Variants in DMD observed in about 807,000 individuals in gnomAD.
The protein encoded by DMD is dystrophin.
DMD carries 63 observed loss-of-function variants against 330.1 expected under a neutral mutation model. The observed-to-expected ratio is 0.19, with a 90% CI of 0.16 to 0.24. DMD has a LOEUF of 0.24. DMD is among the 10% of genes least tolerant of loss of function. The pLI is 1.00. For synonymous variants in DMD, 1,223 were observed against 959.8 expected (o/e 1.27, Z -5.07); for missense variants, 3,344 against 2,684.1 (o/e 1.25, Z -5.43).
chrX:32,242,827 T>C (rs922768579), intron 43 of DMD, among the ~76,000 whole-genome samples: 1 of 109,963 alleles, frequency 9.1e-6, no homozygotes, highest in African/African-American at 3.3e-5. Context: ...GAAATGAGGA[T>C]AGAATTGGGA....
chrX:32,774,815 A>T (rs1010533181), intron 7 of DMD, among the ~76,000 whole-genome samples: 1 of 110,299 alleles, frequency 9.1e-6, no homozygotes, highest in Admixed American at 9.7e-5. Context: ...ATGTCATCAC[A>T]TTTCAAAACA....
intron 44 of DMD, among the ~76,000 whole-genome samples, chrX:32,000,628 T>C (rs1007227905): frequency 9.8e-5 from 11 of 111,759 alleles, no homozygotes; most frequent in Admixed American, 1.9e-4. Flanking sequence ...ATAACACCAG[T>C]GACCCTGGTG....
At chrX:32,308,554 C>T (rs1422336048) in intron 42 of DMD, among the ~76,000 whole-genome samples, 1 of 111,127 alleles carries the variant, frequency 9.0e-6, no homozygotes, top group Non-Finnish European at 1.9e-5. Context: ...AGGAATCATG[C>T]CCACAACTGT....
intron 1 of DMD, among the ~76,000 whole-genome samples, chrX:33,147,793 A>G (rs2048102677): frequency 8.9e-6 from 1 of 111,774 alleles, no homozygotes; most frequent in East Asian, 2.8e-4. Context: ...TAATTTTAAT[A>G]GAAACATCAA....
chrX:33,057,988 C>T (rs2094537911), intron 1 of DMD, among the ~76,000 whole-genome samples: 1 of 111,346 alleles, frequency 9.0e-6, no homozygotes, highest in Non-Finnish European at 1.9e-5. Context: ...AAGCGATTCT[C>T]CTGCCTTAGC....
intron 1 of DMD, among the ~76,000 whole-genome samples, chrX:33,082,904 T>C (rs1355648080): frequency 8.9e-6 from 1 of 112,217 alleles, no homozygotes; most frequent in Non-Finnish European, 1.9e-5. Flanking sequence ...TATCCCTCTC[T>C]CCATTACATA....
chrX:31,479,058 T>C lies in DMD; in HGVS notation c.8593A>G (p.Thr2865Ala), dbSNP rs1442972247. 3 of 1,206,967 alleles carry C rather than the reference T, an allele frequency of 2.5e-6. No homozygotes were observed. The highest frequency in any genetic ancestry group is 3.4e-6 in the Non-Finnish European group (3 of 891,555). ...AGAAATATTCGTACAGTCTCAAGAG[T>C]ACTCATGATTACAGGTTCTTTAGTT... ...LKTKEPVIMS[T>A]LETVRIFLTE... The change falls in exon 58 of 79, where the codon ACT (threonine) becomes GCT (alanine). Residue 2865 changes from threonine (T) to alanine (A), a missense_variant. Transcript: ENST00000357033.
chrX:32,405,251 G>T (rs73222843), intron 30 of DMD, among the ~76,000 whole-genome samples: 1 of 111,521 alleles, frequency 9.0e-6, no homozygotes, highest in Non-Finnish European at 1.9e-5. Flanking sequence ...TGGTTACTTA[G>T]ACTGTTGCTA....
chrX:32,638,728 T>A (rs1283449723), intron 11 of DMD, among the ~76,000 whole-genome samples: 2 of 112,038 alleles, frequency 1.8e-5, no homozygotes, highest in African/African-American at 6.5e-5. Context: ...AAGATTGGAA[T>A]TACCTGAATA....
intron 59 of DMD, among the ~76,000 whole-genome samples, chrX:31,470,731 T>A (rs1394837287): frequency 8.9e-6 from 1 of 112,083 alleles, no homozygotes; most frequent in East Asian, 2.8e-4. Context: ...CGTTTAAGTC[T>A]GCTGATGCTG....
At chrX:33,276,947 C>A (rs981758136) in intron 1 of DMD, among the ~76,000 whole-genome samples, 1 of 111,845 alleles carries the variant, frequency 8.9e-6, no homozygotes, top group Non-Finnish European at 1.9e-5. Context: ...AATCCATAAA[C>A]CTTCTTCTGA....
At chrX:31,852,286 A>G (rs992732813) in intron 48 of DMD, among the ~76,000 whole-genome samples, 2 of 112,087 alleles carry the variant, frequency 1.8e-5, no homozygotes, top group African/African-American at 6.5e-5. Context: ...AGGGGGTACA[A>G]TCTGCATTGT....
In DMD at chrX:33,119,121, C is replaced by T. The variant is rs937827317; in HGVS notation, c.31+92161G>A. 5.3e-5 allele frequency among the ~76,000 whole-genome samples: 6 copies of T among 112,624 alleles called. No individual in the cohort carries two copies. The highest frequency in any genetic ancestry group is 1.1e-4 in the Non-Finnish European group (6 of 53,373). On this transcript the variant is annotated intron_variant, in intron 1 of 78. Transcript: ENST00000357033. ...ACATACAAAGACACCTTAGACTTTA[C>T]TTCCTTGAACTTTATTGAACATCTT...
intron 55 of DMD, among the ~76,000 whole-genome samples, chrX:31,527,520 C>T (rs751079430): frequency 8.9e-6 from 1 of 111,794 alleles, no homozygotes; most frequent in Non-Finnish European, 1.9e-5. Flanking sequence ...AATCTGGCAA[C>T]GTTTTGCCAA....
At chrX:32,103,433 A>G (rs1046831582) in intron 44 of DMD, among the ~76,000 whole-genome samples, 2 of 111,556 alleles carry the variant, frequency 1.8e-5, no homozygotes, top group Admixed American at 9.6e-5. Flanking sequence ...AGCTGAAAAC[A>G]AAAGCGCATA....
chrX:32,676,516 G>C (rs773862632), intron 9 of DMD, among the ~76,000 whole-genome samples: 9 of 111,275 alleles, frequency 8.1e-5, no homozygotes, highest in Non-Finnish European at 1.3e-4. Flanking sequence ...GAATTCTTTT[G>C]AGAATATGAT....
At chrX:32,098,865 T>C (rs997708612) in intron 44 of DMD, among the ~76,000 whole-genome samples, 2 of 112,244 alleles carry the variant, frequency 1.8e-5, no homozygotes, top group African/African-American at 6.5e-5. Context: ...TAAAATAGAT[T>C]AGTCTACTTT....
intron 52 of DMD, among the ~76,000 whole-genome samples, chrX:31,686,867 C>T (rs909553324): frequency 3.6e-5 from 4 of 112,095 alleles, no homozygotes; most frequent in Non-Finnish European, 5.6e-5. Context: ...ACCATACCTC[C>T]CCTACTCCCA....
rs776814937 is a variant in DMD, at chrX:32,849,709, T to C, written c.186+19A>G. 3 of 1,146,520 alleles carry C rather than the reference T, an allele frequency of 2.6e-6. No homozygotes were observed. Among genetic ancestry groups the C allele is most frequent in the African/African-American group, 3.5e-5 (2 of 56,393 alleles). The allele number at this position is 1,146,520 out of a possible 1,213,427, so 94.5% of individuals were successfully genotyped here. A position where few individuals can be genotyped will look rare whatever the true frequency, so the allele number is the denominator to read the frequency against. On this transcript the variant is annotated intron_variant, in intron 3 of 78. Transcript: ENST00000357033. ...TCTACTAAGTTTAAAGTTAACTTTC[T>C]TAAAAATAAGTCACATACCAGTTTT... is the stretch of plus-strand genomic sequence containing the variant.
Sources: gnomAD v4.1 joint callset for allele counts (sites outside exome capture counted in the v4.1 genomes callset) on GRCh38, gnomAD v4.1.1 for gene constraint, MANE v1.5 for transcripts, NCBI Gene and HGNC (gene_info 2026-07-23, HGNC 2026-07-21) for gene names.